The following ADGRE3 variants were observed in gnomAD, a reference collection of about 807,000 sequenced individuals.
ADGRE3 encodes the protein adhesion G protein-coupled receptor E3.
Under a neutral mutation model 80.1 loss-of-function variants are expected in ADGRE3, and 88 were observed. The observed-to-expected ratio is 1.10, with a 90% CI of 0.93 to 1.31. The LOEUF (loss-of-function observed/expected upper bound fraction) is 1.31, where lower values mean the gene tolerates loss of function less well. ADGRE3 is among the 40% of genes most tolerant of loss of function. The pLI, the probability that ADGRE3 is intolerant of heterozygous loss-of-function variation, is 0.00. For synonymous variants in ADGRE3, 281 were observed against 294.8 expected (o/e 0.95, Z 0.48); for missense variants, 715 against 776.5 (o/e 0.92, Z 0.94).
chr19:14,633,388 A>AAGTGCGTGAGATCAACATAAAG, intron 11 of ADGRE3, 86 bp from the exon 12 acceptor site: 1 of 1,043,234 alleles, frequency 9.6e-7, no homozygotes, highest in Non-Finnish European at 1.4e-6. Context: ...CTACCAGAGA[A>AAGTGCGTGAGATCAACATAAAG]TTGTTTCCAG....
chr19:14,653,659 A>C (rs990394010), intron 6 of ADGRE3, among the ~76,000 whole-genome samples: 1 of 151,016 alleles, frequency 6.6e-6, no homozygotes, highest in Non-Finnish European at 1.5e-5. Flanking sequence ...TGCAGCCTCG[A>C]ACTCCTGGGC....
intron 8 of ADGRE3, among the ~76,000 whole-genome samples, chr19:14,646,703 C>T (rs1971417149): frequency 8.1e-6 from 1 of 122,854 alleles, no homozygotes; most frequent in Non-Finnish European, 1.6e-5. Context: ...CTCCTTCCTT[C>T]CTTCCTTCCT....
rs796166536 is a variant in ADGRE3, at chr19:14,636,004, T to TTCCTTCCTTC, written c.1484+2100_1484+2101insGAAGGAAGGA. Among the ~76,000 whole-genome samples the TTCCTTCCTTC allele has an allele frequency of 1.1e-4, 8 of 74,322 alleles. 1 individual carries two copies. Among genetic ancestry groups the TTCCTTCCTTC allele is most frequent in the South Asian group, 7.7e-4 (2 of 2,612 alleles). The allele number at this position is 74,322 out of a possible 152,430, so 48.8% of individuals were successfully genotyped here. A position where few individuals can be genotyped will look rare whatever the true frequency, so the allele number is the denominator to read the frequency against. On this transcript the variant is annotated intron_variant, in intron 11 of 15. Transcript: ENST00000253673. ...TAAAGCTCTCCTTTCTCTCTCTTTC[T>TTCCTTCCTTC]CTTTCTTTCTTCCTTCCTTCCTTCC...
chr19:14,620,530 A>ATGAC (rs1970538579), intron 15 of ADGRE3, among the ~76,000 whole-genome samples: 11 of 10,660 alleles, frequency 1.0e-3, no homozygotes, highest in African/African-American at 6.5e-3. Flanking sequence ...ATATGAATAT[A>ATGAC]TATATTTTAT....
At chr19:14,621,403 C>T (rs920710377) in intron 15 of ADGRE3, among the ~76,000 whole-genome samples, 3 of 151,210 alleles carry the variant, frequency 2.0e-5, no homozygotes, top group East Asian at 2.0e-4. Flanking sequence ...TGCAGTGAGC[C>T]GAGATTGCAC....
At chr19:14,614,017 G>A in the ADGRE3 span, among the ~76,000 whole-genome samples, 3 of 151,450 alleles carry the variant, frequency 2.0e-5, no homozygotes, top group African/African-American at 7.3e-5. Flanking sequence ...TGGGTTCTCA[G>A]GACGTGGCCC....
intron 2 of ADGRE3, among the ~76,000 whole-genome samples, chr19:14,668,381 A>G (rs1972160068): frequency 6.6e-6 from 1 of 151,904 alleles, no homozygotes; most frequent in Admixed American, 6.6e-5. Context: ...TAGATTCAAG[A>G]GGTACTTGTG....
chr19:14,651,572 A>C (rs1264595500), intron 6 of ADGRE3, among the ~76,000 whole-genome samples: 1 of 152,248 alleles, frequency 6.6e-6, no homozygotes, highest in Admixed American at 6.5e-5. Context: ...GTTCTTAACT[A>C]ACAGCTCTTA....
At chr19:14,668,496 G>C in intron 2 of ADGRE3, 1 of 444,756 alleles carries the variant, frequency 2.2e-6, no homozygotes, top group Non-Finnish European at 4.0e-6. Flanking sequence ...GCATTCCTTT[G>C]TCTCTCCCCA....
At chr19:14,656,536 G>T (rs1029221233) in intron 5 of ADGRE3, among the ~76,000 whole-genome samples, 1 of 152,066 alleles carries the variant, frequency 6.6e-6, no homozygotes, top group Non-Finnish European at 1.5e-5. Context: ...CCCACAGATT[G>T]GTTGGGCCAG....
chr19:14,652,939 T>C (rs1276559995), intron 6 of ADGRE3, among the ~76,000 whole-genome samples: 3 of 152,132 alleles, frequency 2.0e-5, no homozygotes, highest in African/African-American at 7.2e-5. Flanking sequence ...TTTAGTACGT[T>C]TTAATGAATA....
intron 2 of ADGRE3, among the ~76,000 whole-genome samples, chr19:14,666,667 G>A (rs546572326): frequency 2.0e-5 from 3 of 152,276 alleles, no homozygotes; most frequent in East Asian, 1.9e-4. Context: ...GTGAGCCACC[G>A]TGCCTGGCCT....
intron 1 of ADGRE3, among the ~76,000 whole-genome samples, chr19:14,672,472 G>C (rs1464815751): frequency 3.9e-5 from 6 of 152,164 alleles, no homozygotes; most frequent in Non-Finnish European, 8.8e-5. Context: ...GTGGGGTTTT[G>C]GAGATGACCT....
chr19:14,642,356 T>A (rs1568485338), intron 9 of ADGRE3, among the ~76,000 whole-genome samples: 1 of 151,938 alleles, frequency 6.6e-6, no homozygotes, highest in Admixed American at 6.6e-5. Context: ...AAAAAAAAAA[T>A]AAAGTGTCTT....
At position 14,620,557 on chromosome 19, in the gene ADGRE3, T is replaced by TA. The variant is rs1397196524; in HGVS notation, c.1921-1087dup. The stretch of plus-strand genomic sequence containing the variant: ...ATATTTTATATATATATTATATATA[T>TA]ATATATATATATTTTTTTTTTTTTT... On this transcript the variant is annotated intron_variant, in intron 15 of 15. Coordinates refer to ENST00000253673, the MANE Select transcript of ADGRE3 (RefSeq NM_032571.5). 5.6e-4 allele frequency among the ~76,000 whole-genome samples: 20 copies of TA among 35,658 alleles called. 4 individuals are homozygous for TA. Among genetic ancestry groups the TA allele is most frequent in the Middle Eastern group, 9.4e-3 (1 of 106 alleles). The allele number at this position is 35,658 out of a possible 152,430, so 23.4% of individuals were successfully genotyped here.
the ADGRE3 span, among the ~76,000 whole-genome samples, chr19:14,603,543 T>A: frequency 6.6e-6 from 1 of 152,106 alleles, no homozygotes; most frequent in Non-Finnish European, 1.5e-5. Flanking sequence ...CACTGCAGCC[T>A]CCATCTCCCA....
intron 4 of ADGRE3, 72 bp from the exon 5 acceptor site, chr19:14,658,622 TA>T: frequency 8.5e-7 from 1 of 1,174,422 alleles, no homozygotes; most frequent in South Asian, 1.6e-5. Flanking sequence ...GCAGGTGGGG[TA>T]AGTAATGGGG....
intron 6 of ADGRE3, 68 bp downstream of exon 6, chr19:14,654,913 TA>T: frequency 7.8e-7 from 1 of 1,281,874 alleles, no homozygotes; most frequent in Non-Finnish European, 1.1e-6. Context: ...TTTTTTTTTC[TA>T]ATTGCCTAAC....
chr19:14,647,150 C>A (rs563924148), intron 8 of ADGRE3, 31 bp downstream of exon 8: 24 of 1,596,558 alleles, frequency 1.5e-5, no homozygotes, highest in Non-Finnish European at 1.8e-5. Context: ...TCCTTGAGAA[C>A]CCACAAGCTC....
Sources: allele counts gnomAD v4.1 joint callset (sites outside exome capture counted in the v4.1 genomes callset), GRCh38; gene constraint gnomAD v4.1.1; transcripts MANE v1.5; gene names NCBI Gene and HGNC (gene_info 2026-07-23, HGNC 2026-07-21).